The following CPEB4 variants were observed in gnomAD, a reference collection of about 807,000 sequenced individuals.
The protein encoded by CPEB4 is cytoplasmic polyadenylation element-binding protein 4.
In CPEB4, 12 loss-of-function variants were observed where a neutral mutation model predicts 72.5. The ratio of observed to expected loss-of-function variants is 0.17; its 90% CI spans 0.11 to 0.27. The LOEUF is 0.27. Among genes scored for constraint, CPEB4 ranks in the 10% least tolerant of loss-of-function variants. CPEB4 has a pLI of 1.00. For synonymous variants in CPEB4, 302 were observed against 326.3 expected (o/e 0.93, Z 0.80); for missense variants, 614 against 908.5 (o/e 0.68, Z 4.17).
At chr5:173,953,043 A>G (rs767556261) in intron 8 of CPEB4, 48 bp from the exon 9 acceptor site, 2 of 1,492,354 alleles carry the variant, frequency 1.3e-6, no homozygotes, top group Admixed American at 1.9e-5. Flanking sequence ...GGTGAGCCAG[A>G]TGAATTTTCC....
rs1051036272 is a variant in CPEB4 at position 173,910,503 on chromosome 5, G to A, written c.1126-20G>A. The A allele has an allele frequency of 9.5e-6, 15 of 1,581,602 alleles. No homozygotes were observed. Among genetic ancestry groups the A allele is most frequent in the African/African-American group, 1.4e-5 (1 of 74,070 alleles). On this transcript the variant is annotated intron_variant, in intron 1 of 9. Coordinates refer to ENST00000265085, the MANE Select transcript of CPEB4 (RefSeq NM_030627.4). ...TAAATGCTATTTTAAAAAGTGGTTTGTGGCTGTTTGTGTCTACAGGATCGC... is the reference window on the plus strand; with the variant it reads ...TAAATGCTATTTTAAAAAGTGGTTTATGGCTGTTTGTGTCTACAGGATCGC...
chr5:173,919,309 T>G (rs980677551), intron 2 of CPEB4, among the ~76,000 whole-genome samples: 2 of 152,192 alleles, frequency 1.3e-5, no homozygotes, highest in African/African-American at 4.8e-5. Context: ...TAATCTCCAC[T>G]CAGAAATGAA....
At chr5:173,948,970 A>T (rs1758127938) in intron 5 of CPEB4, among the ~76,000 whole-genome samples, 1 of 152,198 alleles carries the variant, frequency 6.6e-6, no homozygotes, top group Non-Finnish European at 1.5e-5. Flanking sequence ...GGGAACATAA[A>T]CATTTGGACC....
intron 1 of CPEB4, among the ~76,000 whole-genome samples, chr5:173,894,535 C>T (rs896762438): frequency 2.7e-5 from 4 of 150,064 alleles, no homozygotes; most frequent in Non-Finnish European, 5.9e-5. Context: ...GCAGGAGAAT[C>T]GCTTGATCCC....
In CPEB4 at chr5:173,888,392, G is replaced by A. The variant is rs1212117064; in HGVS notation, c.-1342G>A. 4.4e-6 allele frequency: 2 copies of A among 453,170 alleles called. No homozygotes were observed. Among genetic ancestry groups the A allele is most frequent in the African/African-American group, 2.0e-5 (1 of 48,974 alleles). The allele number at this position is 453,170 out of a possible 1,614,324, so 28.1% of individuals were successfully genotyped here. A position where few individuals can be genotyped will look rare whatever the true frequency, so the allele number is the denominator to read the frequency against. On this transcript the variant is annotated 5_prime_UTR_variant, in exon 1 of 10. Transcript: ENST00000265085. The surrounding 1 kb of genome is among the most constrained non-coding windows in gnomAD (Gnocchi z 4.3). ...GAGAAGGACTCAGCCGCGGCTGCGG[G>A]ACCCGGGCACCGGGAGGCGGTGGCG...
chr5:173,923,333 G>A (rs1052064936), intron 2 of CPEB4, among the ~76,000 whole-genome samples: 1 of 152,088 alleles, frequency 6.6e-6, no homozygotes, highest in Non-Finnish European at 1.5e-5. Flanking sequence ...ATTCTCTTTA[G>A]TTTCTGTAGT....
chr5:173,952,344 G>T (rs72812852), intron 8 of CPEB4, among the ~76,000 whole-genome samples: 33,745 of 152,076 alleles, frequency 0.22, 4,957 homozygotes, highest in Non-Finnish European at 0.31. Flanking sequence ...GAGATTGTCA[G>T]TATTTGTTTC....
chr5:173,960,780 A>G lies in CPEB4; in HGVS notation c.*4643A>G, dbSNP rs1253591455. ...GAAAACAAGTCTCTTTTGACTTCCA[A>G]TTCCCAGTTCCTCCATAGACCTTAA... On this transcript the variant is annotated 3_prime_UTR_variant, in exon 10 of 10. Transcript: ENST00000265085. 1.3e-5 allele frequency: 2 copies of G among 152,188 alleles called. No individual in the cohort carries two copies. The highest frequency in any genetic ancestry group is 4.8e-5 in the African/African-American group (2 of 41,438). 9.4% of individuals were successfully genotyped at this position (152,188 alleles called of 1,614,324 possible).
chr5:173,909,995 C>CT (rs1236439037), intron 1 of CPEB4, among the ~76,000 whole-genome samples: 2 of 146,958 alleles, frequency 1.4e-5, no homozygotes, highest in Non-Finnish European at 3.0e-5. Context: ...GAGACTGTGT[C>CT]TCAAAAAAAA....
chr5:173,918,051 A>G (rs961480700), intron 2 of CPEB4, among the ~76,000 whole-genome samples: 1 of 152,246 alleles, frequency 6.6e-6, no homozygotes, highest in Non-Finnish European at 1.5e-5. Flanking sequence ...AAGCCTCATA[A>G]GTAATGGAGG....
chr5:173,956,550 A>G lies in CPEB4; in HGVS notation c.*413A>G, dbSNP rs947326707. 4.6e-5 allele frequency: 7 copies of G among 152,902 alleles called. No homozygotes were observed. The highest frequency in any genetic ancestry group is 1.7e-4 in the African/African-American group (7 of 41,354). The allele number at this position is 152,902 out of a possible 1,614,324, so 9.5% of individuals were successfully genotyped here. Reference sequence around the variant, plus strand: ...AAAATAACCATGCAACAATAACACTATCGGTCTATCTGACAGTTTTTCCCC... The same window carrying G: ...AAAATAACCATGCAACAATAACACTGTCGGTCTATCTGACAGTTTTTCCCC... On this transcript the variant is annotated 3_prime_UTR_variant, in exon 10 of 10. Coordinates refer to ENST00000265085, the MANE Select transcript of CPEB4 (RefSeq NM_030627.4).
chr5:173,950,885 T>C lies in CPEB4; in HGVS notation c.1665+807T>C, dbSNP rs2113296973. Among the ~76,000 whole-genome samples the C allele has an allele frequency of 6.6e-6, 1 of 152,308 alleles. No homozygotes were observed. The highest frequency in any genetic ancestry group is 3.4e-3 in the Middle Eastern group (1 of 294). On this transcript the variant is annotated intron_variant, in intron 7 of 9. Coordinates refer to ENST00000265085, the MANE Select transcript of CPEB4 (RefSeq NM_030627.4). This position sits in a 1 kb window ranked among gnomAD's most constrained non-coding sequence, Gnocchi z 5.0. ...GAAAAGTTTATCATAAAATTTAGTC[T>C]TTAGGAAGAGGAGCAACTGGCATGT...
chr5:173,907,092 C>A (rs1234596853), intron 1 of CPEB4, among the ~76,000 whole-genome samples: 1 of 152,186 alleles, frequency 6.6e-6, no homozygotes, highest in Non-Finnish European at 1.5e-5. Context: ...CATAGTGAAA[C>A]CCCGTCTATA....
chr5:173,910,756 A>C (rs1376604949), intron 2 of CPEB4, 152 bp downstream of exon 2: 2 of 601,592 alleles, frequency 3.3e-6, no homozygotes, highest in Non-Finnish European at 5.9e-6. Flanking sequence ...TGTTGTTAAA[A>C]AATCCAACAT....
chr5:173,904,752 G>A (rs1490027017), intron 1 of CPEB4, among the ~76,000 whole-genome samples: 1 of 151,928 alleles, frequency 6.6e-6, no homozygotes, highest in East Asian at 1.9e-4. Context: ...AAACTATGCA[G>A]TAACCAATCT....
At chr5:173,951,372 A>C (rs183285580) in intron 7 of CPEB4, among the ~76,000 whole-genome samples, 6 of 152,334 alleles carry the variant, frequency 3.9e-5, no homozygotes, top group Admixed American at 2.6e-4. Context: ...ATTTTGAAAT[A>C]ATGCATCAGA....
intron 2 of CPEB4, among the ~76,000 whole-genome samples, chr5:173,926,111 A>G (rs1331828608): frequency 1.3e-5 from 2 of 152,248 alleles, no homozygotes; most frequent in Admixed American, 6.5e-5. Context: ...CGTGAAATCT[A>G]ATTGTGCTGC....
chr5:173,922,113 A>G (rs10059384), intron 2 of CPEB4, among the ~76,000 whole-genome samples: 45,084 of 152,174 alleles, frequency 0.3, 7,044 homozygotes, highest in South Asian at 0.47. Context: ...TCCTGGTTCA[A>G]TGGCCTGAGT....
At chr5:173,951,749 G>A (rs1758222906) in intron 7 of CPEB4, 75 bp from the exon 8 acceptor site, 1 of 813,302 alleles carries the variant, frequency 1.2e-6, no homozygotes, top group Admixed American at 1.8e-5. Context: ...AAAATACTTT[G>A]TAATAATTGT....
Sources: gnomAD v4.1 joint callset for allele counts (sites outside exome capture counted in the v4.1 genomes callset) on GRCh38, gnomAD v4.1.1 for gene constraint, Gnocchi (gnomAD v3.1) non-coding constraint, MANE v1.5 for transcripts, NCBI Gene and HGNC (gene_info 2026-07-23, HGNC 2026-07-21) for gene names.